Variants in GSE1 observed in about 807,000 individuals in gnomAD.
GSE1 encodes genetic suppressor element 1.
In GSE1, 32 loss-of-function variants were observed where a neutral mutation model predicts 112.6. The ratio of observed to expected loss-of-function variants is 0.28; its 90% CI spans 0.21 to 0.38. The LOEUF (loss-of-function observed/expected upper bound fraction) is 0.38, where lower values mean the gene tolerates loss of function less well. GSE1 is among the 10% of genes least tolerant of loss of function. The pLI is 1.00. For missense variants in GSE1, 2,348 were observed against 1,699.2 expected (o/e 1.38, Z -6.71); for synonymous variants, 1,115 against 735.6 (o/e 1.52, Z -8.35).
At chr16:85,554,873 C>T (rs2151254469), upstream of GSE1, 1 of 985,234 alleles carries the variant, frequency 1.0e-6, no homozygotes, top group South Asian at 4.7e-5. Context: ...CGCAGCCGCC[C>T]ACTGTTTGCA....
At chr16:85,474,451 C>T (rs1254967294) in intron 2 of GSE1, among the ~76,000 whole-genome samples, 1 of 152,082 alleles carries the variant, frequency 6.6e-6, no homozygotes, top group Non-Finnish European at 1.5e-5. Context: ...AGTGGGGATG[C>T]CAGAGGGGCC....
chr16:85,400,393 C>T (rs2048074663), intron 2 of GSE1, among the ~76,000 whole-genome samples: 1 of 151,246 alleles, frequency 6.6e-6, no homozygotes, highest in South Asian at 2.1e-4. Flanking sequence ...ATGTGTATCT[C>T]TGTGGCCGTG....
intron 1 of GSE1, among the ~76,000 whole-genome samples, chr16:85,352,585 G>A (rs767447464): frequency 9.2e-5 from 14 of 152,202 alleles, no homozygotes; most frequent in Non-Finnish European, 1.8e-4. Flanking sequence ...CAGCACATAT[G>A]CAGGTTTCAG....
intron 1 of GSE1, among the ~76,000 whole-genome samples, chr16:85,252,684 G>C: frequency 6.6e-6 from 1 of 152,232 alleles, no homozygotes; most frequent in East Asian, 1.9e-4. Flanking sequence ...ATGCCGGTGT[G>C]GGGACGGCAC....
upstream of GSE1, chr16:85,554,992 T>C: frequency 1.0e-6 from 1 of 985,274 alleles, no homozygotes; most frequent in Non-Finnish European, 1.2e-6. Flanking sequence ...CCCGTCCGCA[T>C]GGATCTGCCG....
At chr16:85,417,194 T>G (rs2048722372) in intron 2 of GSE1, among the ~76,000 whole-genome samples, 1 of 152,300 alleles carries the variant, frequency 6.6e-6, no homozygotes, top group African/African-American at 2.4e-5. Flanking sequence ...GTGAGATAAT[T>G]TTGGGTGGTG....
intron 2 of GSE1, among the ~76,000 whole-genome samples, chr16:85,483,580 G>A (rs1251067084): frequency 2.0e-5 from 3 of 152,256 alleles, no homozygotes; most frequent in South Asian, 2.1e-4. Context: ...CCAGGCCCCC[G>A]GCCACTGTCT....
At chr16:85,361,619 C>T (rs770567109) in intron 2 of GSE1, among the ~76,000 whole-genome samples, 10 of 152,326 alleles carry the variant, frequency 6.6e-5, no homozygotes, top group Admixed American at 1.3e-4. Context: ...CGACTGTAAC[C>T]GCCCAGGGCC....
At chr16:85,592,302 A>G (rs1017961611) in intron 1 of GSE1, 1 of 152,086 alleles carries the variant, frequency 6.6e-6, no homozygotes, top group South Asian at 2.1e-4. Context: ...AGCTGGGACC[A>G]CCATGCCCAG....
At chr16:85,552,254 T>C (rs2044953378), upstream of GSE1, among the ~76,000 whole-genome samples, 1 of 150,944 alleles carries the variant, frequency 6.6e-6, no homozygotes, top group African/African-American at 2.4e-5. Context: ...CTCGATCTCC[T>C]GACCTCGTGA....
In GSE1 at chr16:85,499,295, C is replaced by CTTT. The variant is rs568776401; in HGVS notation, c.2465-134588_2465-134586dup. Among the ~76,000 whole-genome samples the CTTT allele has an allele frequency of 1.6e-3, 121 of 77,190 alleles. 3 individuals are homozygous for CTTT. Among genetic ancestry groups the CTTT allele is most frequent in the African/African-American group, 4.7e-3 (92 of 19,502 alleles). The allele number at this position is 77,190 out of a possible 152,430, so 50.6% of individuals were successfully genotyped here. On this transcript the variant is annotated intron_variant, in intron 2 of 2. Coordinates refer to the GSE1 transcript ENST00000637419. ...GTCAGAGAGAAGGCAGGAAAGTCAC[C>CTTT]TTTTTTTTTTTTTTTTTTTTTTTTT...
intron 2 of GSE1, among the ~76,000 whole-genome samples, chr16:85,452,125 G>C (rs1042588241): frequency 6.6e-6 from 1 of 152,184 alleles, no homozygotes; most frequent in Non-Finnish European, 1.5e-5. Context: ...CGAATAATTG[G>C]ATTTTAATGA....
At chr16:85,505,251 A>G (rs890213092) in intron 2 of GSE1, among the ~76,000 whole-genome samples, 1 of 152,108 alleles carries the variant, frequency 6.6e-6, no homozygotes, top group Admixed American at 6.5e-5. Flanking sequence ...ATGTCACCTG[A>G]GGCCTTTCCC....
upstream of GSE1, among the ~76,000 whole-genome samples, chr16:85,554,395 G>A (rs1017275502): frequency 3.3e-5 from 5 of 152,128 alleles, no homozygotes; most frequent in Non-Finnish European, 5.9e-5. Context: ...ATTAGCCGGG[G>A]CTTTCGTTAC....
chr16:85,324,210 GA>G (rs978861867), intron 1 of GSE1, among the ~76,000 whole-genome samples: 4 of 152,142 alleles, frequency 2.6e-5, no homozygotes, highest in African/African-American at 9.6e-5. Flanking sequence ...AGGTACCCAA[GA>G]GAATGAAAAC....
At chr16:85,268,549 A>G (rs1908497932) in intron 1 of GSE1, among the ~76,000 whole-genome samples, 1 of 152,084 alleles carries the variant, frequency 6.6e-6, no homozygotes, top group Non-Finnish European at 1.5e-5. Flanking sequence ...ACCAAAAGGC[A>G]CCTTCATCCT....
chr16:85,410,987 G>A (rs1395998060), intron 2 of GSE1, among the ~76,000 whole-genome samples: 11 of 78,010 alleles, frequency 1.4e-4, no homozygotes, highest in African/African-American at 1.7e-4. Flanking sequence ...AGGGCCCCCC[G>A]GATAATCCTC....
intron 1 of GSE1, among the ~76,000 whole-genome samples, chr16:85,273,722 C>T (rs28425562): frequency 0.21 from 32,273 of 151,788 alleles, 5,328 homozygotes; most frequent in African/African-American, 0.46. Context: ...GGAGTTTAGC[C>T]CTTGTCGCCC....
In GSE1 at chr16:85,654,930, G is replaced by A; in HGVS notation, c.736G>A (p.Ala246Thr). 6.2e-7 allele frequency: 1 copy of A among 1,610,956 alleles called. No individual in the cohort carries two copies. Among genetic ancestry groups the A allele is most frequent in the East Asian group, 2.2e-5 (1 of 44,862 alleles). The change falls in exon 5 of 16, where the codon GCT (alanine) becomes ACT (threonine). Residue 246 changes from alanine to threonine, a missense_variant. Coordinates refer to ENST00000253458, the MANE Select transcript of GSE1 (RefSeq NM_014615.5). ...TCCCCTCGGCCTGGACCCGGCCACT[G>A]CTGCAGCCTACTACCACCCCAGCTA... ...LPPLGLDPAT[A>T]AAYYHPSYLA...
Sources: allele counts gnomAD v4.1 joint callset (sites outside exome capture counted in the v4.1 genomes callset), GRCh38; gene constraint gnomAD v4.1.1; transcripts MANE v1.5; gene names NCBI Gene and HGNC (gene_info 2026-07-23, HGNC 2026-07-21).